Variants in GAN observed in about 807,000 individuals in gnomAD.
The protein encoded by GAN is epididymis secretory sperm binding protein.
Under a neutral mutation model 71.3 loss-of-function variants are expected in GAN, and 48 were observed. The ratio of observed to expected loss-of-function variants is 0.67; its 90% CI spans 0.53 to 0.86. The LOEUF (loss-of-function observed/expected upper bound fraction) is 0.86, where lower values mean the gene tolerates loss of function less well. GAN is among the 40% of genes least tolerant of loss of function. The pLI is 0.00. For missense variants in GAN, 928 were observed against 770.1 expected (o/e 1.21, Z -2.43); for synonymous variants, 386 against 276.8 (o/e 1.39, Z -3.92).
intron 1 of GAN, among the ~76,000 whole-genome samples, chr16:81,341,511 A>T (rs1909941389): frequency 6.6e-6 from 1 of 152,218 alleles, no homozygotes; most frequent in African/African-American, 2.4e-5. Context: ...TTCAACCCAG[A>T]ATTTCATATC....
At chr16:81,337,148 C>T (rs151329181) in intron 1 of GAN, among the ~76,000 whole-genome samples, 44 of 152,232 alleles carry the variant, frequency 2.9e-4, no homozygotes, top group African/African-American at 1.1e-3. Context: ...TGGAGGGCAT[C>T]TGTGAAACAA....
intron 3 of GAN, among the ~76,000 whole-genome samples, chr16:81,355,276 T>A (rs1346548071): frequency 6.6e-6 from 1 of 152,128 alleles, no homozygotes; most frequent in Non-Finnish European, 1.5e-5. Flanking sequence ...GAGGGAAGGT[T>A]CTGGGAGTGA....
intron 1 of GAN, among the ~76,000 whole-genome samples, chr16:81,326,563 A>G (rs773985462): frequency 3.3e-5 from 5 of 152,192 alleles, no homozygotes; most frequent in Non-Finnish European, 5.9e-5. Context: ...GTTGTCTGTG[A>G]TATGTATGTA....
Position 81,377,695 on chromosome 16 carries a change from G to T in GAN, c.*99G>T, listed in dbSNP as rs1904286756. On this transcript the variant is annotated 3_prime_UTR_variant, in exon 11 of 11. Coordinates refer to ENST00000648994, the MANE Select transcript of GAN (RefSeq NM_022041.4). ...TGGCAGCTGAAACTCACTCTGTGCT[G>T]GGCTTTGGTATGGTAACTCTTTGGT... 4 of 1,083,480 alleles carry T rather than the reference G, an allele frequency of 3.7e-6. No individual in the cohort carries two copies. The Admixed American group carries it at 5.1e-5, about 14-fold the overall frequency. The allele number at this position is 1,083,480 out of a possible 1,614,324, so 67.1% of individuals were successfully genotyped here.
rs1220007056 is a variant in GAN, at chr16:81,378,275, G to A, written c.*679G>A. ...TGATGAGTCAGGTTGCAGCCCTCAT[G>A]TGAACTGAAAGAAGTTGCTCGCTTC... On this transcript the variant is annotated 3_prime_UTR_variant, in exon 11 of 11. Coordinates refer to ENST00000648994, the MANE Select transcript of GAN (RefSeq NM_022041.4). The A allele has an allele frequency of 6.5e-6, 1 of 154,550 alleles. No homozygotes were observed. Among genetic ancestry groups the A allele is most frequent in the African/African-American group, 2.4e-5 (1 of 41,462 alleles). The allele number at this position is 154,550 out of a possible 1,614,324, so 9.6% of individuals were successfully genotyped here. A position where few individuals can be genotyped will look rare whatever the true frequency, so the allele number is the denominator to read the frequency against.
chr16:81,369,255 T>C (rs1458246599), intron 9 of GAN, among the ~76,000 whole-genome samples: 1 of 152,172 alleles, frequency 6.6e-6, no homozygotes, highest in Non-Finnish European at 1.5e-5. Context: ...GGAGCCACCA[T>C]GACAACAAGG....
At chr16:81,344,663 G>C (rs1177996291) in intron 1 of GAN, among the ~76,000 whole-genome samples, 3 of 152,096 alleles carry the variant, frequency 2.0e-5, no homozygotes, top group Non-Finnish European at 2.9e-5. Flanking sequence ...AATCCTAGAA[G>C]AAAACCTGGG....
Position 81,378,121 on chromosome 16 carries a change from C to T in GAN, c.*525C>T, listed in dbSNP as rs574339041. 3 of 174,022 alleles carry T rather than the reference C, an allele frequency of 1.7e-5. No homozygotes were observed. In the South Asian group the frequency reaches 4.1e-4, roughly 24 times the overall value. 10.8% of individuals were successfully genotyped at this position (174,022 alleles called of 1,614,324 possible). ...TAAAATGTTAGATTGGACTGTATGC[C>T]AGTTAGTCTCCATTTATTCCTAGTA... On this transcript the variant is annotated 3_prime_UTR_variant, in exon 11 of 11. Coordinates refer to ENST00000648994, the MANE Select transcript of GAN (RefSeq NM_022041.4).
chr16:81,336,500 G>T (rs4889306), intron 1 of GAN, among the ~76,000 whole-genome samples: 52,835 of 151,954 alleles, frequency 0.35, 10,430 homozygotes, highest in East Asian at 0.71. Flanking sequence ...GTCTCACTCT[G>T]TTGCCCAGGC....
intron 9 of GAN, among the ~76,000 whole-genome samples, chr16:81,370,415 G>A (rs777841640): frequency 1.8e-4 from 27 of 152,202 alleles, no homozygotes; most frequent in Non-Finnish European, 4.0e-4. Flanking sequence ...TGTAATATAT[G>A]TAATTACCAC....
chr16:81,367,435 A>G (rs1183748706), intron 9 of GAN, among the ~76,000 whole-genome samples: 8 of 152,076 alleles, frequency 5.3e-5, no homozygotes, highest in Non-Finnish European at 5.9e-5. Flanking sequence ...AGGCTGAGGC[A>G]TGAGAATTGG....
chr16:81,358,649 G>T (rs925762424), intron 5 of GAN, among the ~76,000 whole-genome samples: 5 of 152,044 alleles, frequency 3.3e-5, no homozygotes, highest in African/African-American at 1.2e-4. Flanking sequence ...GAGACTTTAG[G>T]AAATGCTACT....
chr16:81,374,345 T>C (rs778174237), intron 9 of GAN, among the ~76,000 whole-genome samples: 5 of 152,222 alleles, frequency 3.3e-5, no homozygotes, highest in Non-Finnish European at 5.9e-5. Flanking sequence ...TTAAATACTT[T>C]TGTGGAGATC....
chr16:81,347,513 C>A (rs1220746379), intron 1 of GAN, among the ~76,000 whole-genome samples: 2 of 152,092 alleles, frequency 1.3e-5, no homozygotes, highest in Non-Finnish European at 2.9e-5. Flanking sequence ...CCAGAATCTT[C>A]CACTTTCTTG....
chr16:81,362,662 C>T lies in GAN; in HGVS notation c.1086+51C>T, dbSNP rs78861333. ...TTGATGTGTTTCTCTTTCCCCTTAGCGCTTCTGTTTGTTTTGTGTCTGAGT... is the reference window on the plus strand; with the variant it reads ...TTGATGTGTTTCTCTTTCCCCTTAGTGCTTCTGTTTGTTTTGTGTCTGAGT... On this transcript the variant is annotated intron_variant, in intron 6 of 10. Coordinates refer to ENST00000648994, the MANE Select transcript of GAN (RefSeq NM_022041.4). 19,026 of 980,326 alleles carry T rather than the reference C, an allele frequency of 0.019. 577 individuals are homozygous for T. Among genetic ancestry groups the T allele is most frequent in the East Asian group, 0.13 (5,305 of 41,868 alleles). The allele number at this position is 980,326 out of a possible 1,614,324, so 60.7% of individuals were successfully genotyped here. A position where few individuals can be genotyped will look rare whatever the true frequency, so the allele number is the denominator to read the frequency against.
chr16:81,357,173 G>A (rs1196656708), intron 4 of GAN, among the ~76,000 whole-genome samples, 171 bp downstream of exon 4: 1 of 151,872 alleles, frequency 6.6e-6, no homozygotes, highest in Non-Finnish European at 1.5e-5. Flanking sequence ...AGTTACATAT[G>A]TATACATGTG....
At chr16:81,356,505 G>C (rs951691436) in intron 3 of GAN, among the ~76,000 whole-genome samples, 1 of 152,088 alleles carries the variant, frequency 6.6e-6, no homozygotes, top group African/African-American at 2.4e-5. Flanking sequence ...TATTGAAATG[G>C]GAATCCTTTA....
intron 1 of GAN, among the ~76,000 whole-genome samples, chr16:81,349,234 C>T (rs1431851737): frequency 2.0e-5 from 3 of 152,114 alleles, no homozygotes; most frequent in Non-Finnish European, 2.9e-5. Context: ...TACCAGTTCC[C>T]GGAGCCTTTG....
intron 1 of GAN, among the ~76,000 whole-genome samples, chr16:81,324,394 C>T (rs958685743): frequency 3.3e-5 from 5 of 152,038 alleles, no homozygotes; most frequent in African/African-American, 9.7e-5. Flanking sequence ...ATCCCTGCTC[C>T]GAGGTGGTGC....
Sources: allele counts gnomAD v4.1 joint callset (sites outside exome capture counted in the v4.1 genomes callset), GRCh38; gene constraint gnomAD v4.1.1; transcripts MANE v1.5; gene names NCBI Gene and HGNC (gene_info 2026-07-23, HGNC 2026-07-21).